Variants in ENTREP2 observed in about 807,000 individuals in gnomAD.
The protein encoded by ENTREP2 is endosomal transmembrane epsin interactor 2, also known as protein ENTREP2.
chr15:29,154,929 A>G, the ENTREP2 span, among the ~76,000 whole-genome samples: 2 of 152,242 alleles, frequency 1.3e-5, no homozygotes, highest in African/African-American at 4.8e-5. Context: ...CACTTTCCCA[A>G]GTTTATAGAA....
chr15:29,260,433 T>C, the ENTREP2 span, among the ~76,000 whole-genome samples: 1 of 152,074 alleles, frequency 6.6e-6, no homozygotes, highest in Non-Finnish European at 1.5e-5. Context: ...CAAAAGGAAA[T>C]TGGATTCTAC....
chr15:29,642,359 C>T, the ENTREP2 span, among the ~76,000 whole-genome samples: 1 of 151,504 alleles, frequency 6.6e-6, no homozygotes, highest in African/African-American at 2.4e-5. Context: ...AACTGATTTT[C>T]ATTAATGGTG....
the ENTREP2 span, among the ~76,000 whole-genome samples, chr15:29,354,227 C>T: frequency 6.6e-6 from 1 of 152,214 alleles, no homozygotes; most frequent in Non-Finnish European, 1.5e-5. Context: ...CACCTTCAGA[C>T]TCCAGGACTT....
At chr15:29,474,417 T>C in the ENTREP2 span, among the ~76,000 whole-genome samples, 1 of 152,090 alleles carries the variant, frequency 6.6e-6, no homozygotes. Context: ...CTCAAACACA[T>C]TAAAACACAA....
At chr15:29,656,324 T>C in the ENTREP2 span, among the ~76,000 whole-genome samples, 3 of 152,002 alleles carry the variant, frequency 2.0e-5, no homozygotes, top group Admixed American at 6.6e-5. Context: ...CTCGCAGCTT[T>C]AAGCAATTCT....
chr15:29,347,462 C>T, the ENTREP2 span, among the ~76,000 whole-genome samples: 2 of 152,058 alleles, frequency 1.3e-5, no homozygotes, highest in African/African-American at 4.8e-5. Context: ...TCAGCCACCA[C>T]GCTGAGCCTA....
the ENTREP2 span, among the ~76,000 whole-genome samples, chr15:29,479,735 T>C: frequency 6.6e-6 from 1 of 152,054 alleles, no homozygotes; most frequent in Non-Finnish European, 1.5e-5. Context: ...TAAGCTGTTC[T>C]ATCCCTCTAG....
chr15:29,223,378 C>T, the ENTREP2 span, among the ~76,000 whole-genome samples: 4 of 152,272 alleles, frequency 2.6e-5, no homozygotes, highest in African/African-American at 9.6e-5. Flanking sequence ...GTTTCTTCCT[C>T]TCTGCAAAGA....
At chr15:29,128,719 C>A in the ENTREP2 span, 1 of 1,125,818 alleles carries the variant, frequency 8.9e-7, no homozygotes, top group South Asian at 1.3e-5. Flanking sequence ...GAGAATAGGA[C>A]GAGGACGAAA....
chr15:29,155,638 C>G, the ENTREP2 span, among the ~76,000 whole-genome samples: 1 of 152,200 alleles, frequency 6.6e-6, no homozygotes, highest in Non-Finnish European at 1.5e-5. Context: ...GACTCTCAGC[C>G]CTCTACGCCC....
chr15:29,132,654 G>T, the ENTREP2 span, among the ~76,000 whole-genome samples: 1 of 152,364 alleles, frequency 6.6e-6, no homozygotes, highest in East Asian at 1.9e-4. Flanking sequence ...GAACCAGCCA[G>T]ATCCCTTCCA....
the ENTREP2 span, among the ~76,000 whole-genome samples, chr15:29,597,560 C>A: frequency 1.5e-5 from 2 of 133,804 alleles, no homozygotes; most frequent in African/African-American, 5.4e-5. Flanking sequence ...AAGAGCGAAA[C>A]TCTGTCTCAA....
chr15:29,162,586 ATCC>A, the ENTREP2 span, among the ~76,000 whole-genome samples: 2 of 151,996 alleles, frequency 1.3e-5, no homozygotes, highest in South Asian at 4.2e-4. Flanking sequence ...GGCAGCCATA[ATCC>A]TCCTAGGTAC....
the ENTREP2 span, among the ~76,000 whole-genome samples, chr15:29,597,483 G>C: frequency 6.6e-6 from 1 of 151,604 alleles, no homozygotes; most frequent in Admixed American, 6.6e-5. Context: ...CAGGAGAATC[G>C]CTTGAACCCG....
At chr15:29,239,759 T>G in the ENTREP2 span, among the ~76,000 whole-genome samples, 1 of 152,192 alleles carries the variant, frequency 6.6e-6, no homozygotes, top group East Asian at 1.9e-4. Context: ...CAGGAAACAA[T>G]ACTTTTCCCG....
chr15:29,388,488 G>C, the ENTREP2 span, among the ~76,000 whole-genome samples: 1 of 152,196 alleles, frequency 6.6e-6, no homozygotes, highest in African/African-American at 2.4e-5. Context: ...AGAGGACGTA[G>C]AGAAATAGGA....
At chr15:29,264,576 T>C in the ENTREP2 span, among the ~76,000 whole-genome samples, 5 of 152,202 alleles carry the variant, frequency 3.3e-5, no homozygotes, top group East Asian at 9.7e-4. Context: ...AATCCAATCA[T>C]GAAGAAACAG....
the ENTREP2 span, among the ~76,000 whole-genome samples, chr15:29,415,269 C>A: frequency 1.3e-5 from 2 of 152,114 alleles, no homozygotes; most frequent in Non-Finnish European, 2.9e-5. Context: ...ACTGGCAAAC[C>A]GAATCCAGCA....
At chr15:29,482,164 A>ATTTTTTTTTTT in the ENTREP2 span, among the ~76,000 whole-genome samples, 2 of 135,260 alleles carry the variant, frequency 1.5e-5, no homozygotes, top group African/African-American at 2.8e-5. Flanking sequence ...CAGGCAGCTA[A>ATTTTTTTTTTT]TTTTTTTTTT....
Sources: gnomAD v4.1 joint callset for allele counts (sites outside exome capture counted in the v4.1 genomes callset) on GRCh38, gnomAD v4.1.1 for gene constraint, MANE v1.5 for transcripts, NCBI Gene and HGNC (gene_info 2026-07-23, HGNC 2026-07-21) for gene names.